The following TMEM41A variants were observed in gnomAD, a reference collection of about 807,000 sequenced individuals.
The protein encoded by TMEM41A is transmembrane protein 41A.
TMEM41A carries 20 observed loss-of-function variants against 25.7 expected under a neutral mutation model. That is an observed-to-expected ratio of 0.78 (90% confidence interval 0.55 to 1.13). The LOEUF is 1.13. TMEM41A is among the 50% of genes most tolerant of loss of function. TMEM41A has a pLI of 0.00. For missense variants in TMEM41A, 299 were observed against 314.3 expected (o/e 0.95, Z 0.37); for synonymous variants, 133 against 139.6 (o/e 0.95, Z 0.33).
chr3:185,491,383 CAG>C lies in TMEM41A; in HGVS notation c.*152_*153del, dbSNP rs1411361439. 1 of 623,528 alleles carries C rather than the reference CAG, an allele frequency of 1.6e-6. No homozygotes were observed. The highest frequency in any genetic ancestry group is 2.8e-6 in the Non-Finnish European group (1 of 356,700). The allele number at this position is 623,528 out of a possible 1,614,324, so 38.6% of individuals were successfully genotyped here. On this transcript the variant is annotated 3_prime_UTR_variant, in exon 5 of 5. Transcript: ENST00000421852. ...ACCTGATGTAATACACCTTCAAGAG[CAG>C]AGTGTCCTTTCTGAAAAGACACTGC...
rs1389935312 is a variant in TMEM41A, at chr3:185,491,681, G to C, written c.651C>G (p.Phe217Leu). ...ACAGCTTAAAGACAGTGTCCCAGGA[G>C]AAAAGAGCATCCAGAGAGGTTAGGG... ...LSTLTSLDAL[F>L]SWDTVFKLLA... Residue 217 changes from phenylalanine to leucine, a missense_variant, in exon 5 of 5, where the codon TTC becomes TTG. By Grantham distance (22) the Phe-to-Leu change is conservative (BLOSUM62 0). Coordinates refer to ENST00000421852, the MANE Select transcript of TMEM41A (RefSeq NM_080652.4). 10 of 1,614,202 alleles carry C rather than the reference G, an allele frequency of 6.2e-6. No homozygotes were observed. The highest frequency in any genetic ancestry group is 7.6e-6 in the Non-Finnish European group (9 of 1,180,038).
chr3:185,491,464 G>T lies in TMEM41A; in HGVS notation c.*73C>A, dbSNP rs947182805. The T allele has an allele frequency of 1.6e-6, 2 of 1,226,082 alleles. No individual in the cohort carries two copies. The highest frequency in any genetic ancestry group is 1.2e-6 in the Non-Finnish European group (1 of 848,818). The allele number at this position is 1,226,082 out of a possible 1,614,324, so 76.0% of individuals were successfully genotyped here. On this transcript the variant is annotated 3_prime_UTR_variant, in exon 5 of 5. Coordinates refer to ENST00000421852, the MANE Select transcript of TMEM41A (RefSeq NM_080652.4). Reference sequence around the variant, plus strand: ...ATAGAAGGCAATCAAAAACAATGAGGGGCTTTAGAGGACCACATCCATTAC... The same window carrying T: ...ATAGAAGGCAATCAAAAACAATGAGTGGCTTTAGAGGACCACATCCATTAC...
In TMEM41A at chr3:185,491,691, TC is replaced by T. The variant is rs761081289; in HGVS notation, c.640del (p.Asp214MetfsTer20). On this transcript the variant is annotated frameshift_variant, in exon 5 of 5. Coordinates refer to ENST00000421852, the MANE Select transcript of TMEM41A (RefSeq NM_080652.4). LOFTEE classifies it high-confidence loss of function. The stretch of plus-strand genomic sequence containing the variant: ...GACAGTGTCCCAGGAGAAAAGAGCA[TC>T]CAGAGAGGTTAGGGTTGACAGGATG... Reference protein sequence around the residue: ...GSILSTLTSLDALFSWDTVFK... With the variant: ...GSILSTLTSLXALFSWDTVFK... The T allele has an allele frequency of 1.2e-6, 2 of 1,614,184 alleles. No homozygotes were observed. The highest frequency in any genetic ancestry group is 2.2e-5 in the South Asian group (2 of 91,090).
At chr3:185,494,784 T>C in intron 3 of TMEM41A, 23 bp from the exon 4 acceptor site, 1 of 1,588,416 alleles carries the variant, frequency 6.3e-7, no homozygotes, top group Non-Finnish European at 8.5e-7. Flanking sequence ...AGAAGAAAGC[T>C]GTTAAGAAGC....
At chr3:185,496,794 G>T in intron 2 of TMEM41A, 34 bp downstream of exon 2, 1 of 1,587,392 alleles carries the variant, frequency 6.3e-7, no homozygotes, top group African/African-American at 1.3e-5. Flanking sequence ...TTACAGATAA[G>T]GAAACAGGGT....
At chr3:185,494,425 A>T in intron 4 of TMEM41A, 198 bp downstream of exon 4, 1 of 577,444 alleles carries the variant, frequency 1.7e-6, no homozygotes, top group East Asian at 3.1e-5. Flanking sequence ...TTAGTCCAAA[A>T]GTATTTTTAT....
Position 185,498,897 on chromosome 3 carries a change from G to A in TMEM41A, c.65C>T (p.Ser22Leu), listed in dbSNP as rs1040634399. 5.0e-6 allele frequency: 8 copies of A among 1,606,620 alleles called. No individual in the cohort carries two copies. The Admixed American group carries it at 5.1e-5, about 10-fold the overall frequency. Reference sequence around the variant, plus strand: ...TCTCCGCCCGCGGGGCAGTCGCGTCGACAGCAAGTACAAGGCGAAGGTGCA... The same window carrying A: ...TCTCCGCCCGCGGGGCAGTCGCGTCAACAGCAAGTACAAGGCGAAGGTGCA... ...AGCTFALYLL[S>L]TRLPRGRRLG... is the part of the protein sequence containing the mutation. Residue 22 changes from serine to leucine, a missense_variant, in exon 1 of 5, where the codon TCG (serine) becomes TTG (leucine). By Grantham distance (145) the Ser-to-Leu change is moderately radical. Transcript: ENST00000421852.
In TMEM41A at chr3:185,491,726, C is replaced by G. The variant is rs534645540; in HGVS notation, c.606G>C (p.Gln202His). ...GLIPYNFICVQTGSILSTLTS... is the reference protein window; with the variant it reads ...GLIPYNFICVHTGSILSTLTS... ...TTAGGGTTGACAGGATGGACCCTGT[C>G]TGCACACAGATGAAATTATATGGGA... Residue 202 changes from glutamine to histidine, a missense_variant, in exon 5 of 5, where the codon CAG becomes CAC. Gln to His is a conservative substitution (Grantham distance 24). Coordinates refer to ENST00000421852, the MANE Select transcript of TMEM41A (RefSeq NM_080652.4). 6.2e-7 allele frequency: 1 copy of G among 1,613,892 alleles called. No homozygotes were observed. Among genetic ancestry groups the G allele is most frequent in the African/African-American group, 1.3e-5 (1 of 75,032 alleles).
In TMEM41A at chr3:185,491,366, T is replaced by G. The variant is rs928540571; in HGVS notation, c.*171A>C. On this transcript the variant is annotated 3_prime_UTR_variant, in exon 5 of 5. Coordinates refer to ENST00000421852, the MANE Select transcript of TMEM41A (RefSeq NM_080652.4). ...CCAGGGCTGGTTTGAAAACCTGATG[T>G]AATACACCTTCAAGAGCAGAGTGTC... The G allele has an allele frequency of 1.0e-5, 6 of 589,032 alleles. No individual in the cohort carries two copies. Among genetic ancestry groups the G allele is most frequent in the Non-Finnish European group, 1.8e-5 (6 of 332,936 alleles). The allele number at this position is 589,032 out of a possible 1,614,324, so 36.5% of individuals were successfully genotyped here. A position where few individuals can be genotyped will look rare whatever the true frequency, so the allele number is the denominator to read the frequency against.
At chr3:185,496,457 G>A (rs1360160786) in intron 2 of TMEM41A, 1 of 335,430 alleles carries the variant, frequency 3.0e-6, no homozygotes, top group Admixed American at 3.9e-5. Flanking sequence ...GTTCAAGACA[G>A]AAGACAGACA....
At position 185,490,282 on chromosome 3, in the gene TMEM41A, T is replaced by C. The variant is rs1718905919; in HGVS notation, c.*1255A>G. On this transcript the variant is annotated 3_prime_UTR_variant, in exon 5 of 5. Coordinates refer to ENST00000421852, the MANE Select transcript of TMEM41A (RefSeq NM_080652.4). Reference sequence around the variant, plus strand: ...TTGAATTAAAAGATAAATTAAAAGATACAATTGTTTAGTTACTCTAAGCAA... The same window carrying C: ...TTGAATTAAAAGATAAATTAAAAGACACAATTGTTTAGTTACTCTAAGCAA... 6.6e-6 allele frequency: 1 copy of C among 152,170 alleles called. No homozygotes were observed. Among genetic ancestry groups the C allele is most frequent in the Admixed American group, 6.5e-5 (1 of 15,282 alleles). The allele number at this position is 152,170 out of a possible 1,614,324, so 9.4% of individuals were successfully genotyped here. A position where few individuals can be genotyped will look rare whatever the true frequency, so the allele number is the denominator to read the frequency against.
chr3:185,493,206 T>C (rs1719007379), intron 4 of TMEM41A: 1 of 152,222 alleles, frequency 6.6e-6, no homozygotes, highest in African/African-American at 2.4e-5. Context: ...ACCACTCTGA[T>C]AAAGGTGGTC....
rs774821252 is a variant in TMEM41A at position 185,490,356 on chromosome 3, A to T, written c.*1181T>A. ...AGGGTATACTGCCTGATGGCCCCATATACTGAACCCATTCTCCTAGCATGA... is the reference window on the plus strand; with the variant it reads ...AGGGTATACTGCCTGATGGCCCCATTTACTGAACCCATTCTCCTAGCATGA... On this transcript the variant is annotated 3_prime_UTR_variant, in exon 5 of 5. Transcript: ENST00000421852. The T allele has an allele frequency of 4.6e-5, 7 of 152,228 alleles. No homozygotes were observed. The highest frequency in any genetic ancestry group is 1.0e-4 in the Non-Finnish European group (7 of 68,038). The allele number at this position is 152,228 out of a possible 1,614,324, so 9.4% of individuals were successfully genotyped here.
chr3:185,497,064 A>C (rs1440564069), intron 1 of TMEM41A, 83 bp from the exon 2 acceptor site: 1 of 1,482,794 alleles, frequency 6.7e-7, no homozygotes, highest in Admixed American at 2.1e-5. Flanking sequence ...TCTTCTTTTC[A>C]GAGTAGGTTT....
chr3:185,499,031 G>T lies in TMEM41A; in HGVS notation c.-70C>A, dbSNP rs1011737758. 1.5e-6 allele frequency: 2 copies of T among 1,369,164 alleles called. No homozygotes were observed. Among genetic ancestry groups the T allele is most frequent in the South Asian group, 1.3e-5 (1 of 78,900 alleles). 84.8% of individuals were successfully genotyped at this position (1,369,164 alleles called of 1,614,324 possible). ...TGCACTCCGGGACGCAGCGGCGGGCGGACTGAGCCCGCGGAGCACGTTCAC... is the reference window on the plus strand; with the variant it reads ...TGCACTCCGGGACGCAGCGGCGGGCTGACTGAGCCCGCGGAGCACGTTCAC... On this transcript the variant is annotated 5_prime_UTR_variant, in exon 1 of 5. Coordinates refer to ENST00000421852, the MANE Select transcript of TMEM41A (RefSeq NM_080652.4).
chr3:185,496,743 C>G, intron 2 of TMEM41A, 85 bp downstream of exon 2: 1 of 1,508,364 alleles, frequency 6.6e-7, no homozygotes, highest in Non-Finnish European at 9.0e-7. Flanking sequence ...TAATCATCCC[C>G]ACACAACAAT....
intron 1 of TMEM41A, 97 bp downstream of exon 1, chr3:185,498,746 G>A (rs1313413680): frequency 2.1e-6 from 2 of 931,100 alleles, no homozygotes; most frequent in East Asian, 2.8e-5. Context: ...CAACGCCTCC[G>A]ATACCGGAAC....
In TMEM41A at chr3:185,496,813, G is replaced by C; in HGVS notation, c.273+15C>G. 6.2e-7 allele frequency: 1 copy of C among 1,600,804 alleles called. No individual in the cohort carries two copies. Among genetic ancestry groups the C allele is most frequent in the Non-Finnish European group, 8.5e-7 (1 of 1,175,386 alleles). ...AGATAAGGAAACAGGGTTGGAGGGA[G>C]GGCAGGACACTGACCAGGAAGCTGG... is the stretch of plus-strand genomic sequence containing the variant. On this transcript the variant is annotated intron_variant, in intron 2 of 4. Coordinates refer to ENST00000421852, the MANE Select transcript of TMEM41A (RefSeq NM_080652.4).
Position 185,491,632 on chromosome 3 carries a change from T to C in TMEM41A, c.700A>G (p.Ile234Val), listed in dbSNP as rs1718954764. The change falls in exon 5 of 5, where the codon ATT becomes GTT. Residue 234 changes from isoleucine to valine, a missense_variant. Coordinates refer to ENST00000421852, the MANE Select transcript of TMEM41A (RefSeq NM_080652.4). ...AATTTTTTAATGAGGGTTCCAGGAATTAATGCCACCATGGCAATGGCCAAC... is the reference window on the plus strand; with the variant it reads ...AATTTTTTAATGAGGGTTCCAGGAACTAATGCCACCATGGCAATGGCCAAC... The part of the protein sequence containing the change: ...KLLAIAMVAL[I>V]PGTLIKKFSQ... The C allele has an allele frequency of 2.5e-6, 4 of 1,614,214 alleles. No individual in the cohort carries two copies. In the East Asian group the frequency reaches 6.7e-5, roughly 27 times the overall value.
Sources: gnomAD v4.1 joint callset for allele counts on GRCh38, gnomAD v4.1.1 for gene constraint, MANE v1.5 for transcripts, NCBI Gene and HGNC (gene_info 2026-07-23, HGNC 2026-07-21) for gene names.